The following SLC39A10 variants were observed in gnomAD, a reference collection of about 807,000 sequenced individuals.
SLC39A10 encodes the protein zinc transporter ZIP10.
Under a neutral mutation model 65.1 loss-of-function variants are expected in SLC39A10, and 13 were observed. The ratio of observed to expected loss-of-function variants is 0.20; its 90% CI spans 0.13 to 0.32. The LOEUF is 0.32. SLC39A10 is among the 10% of genes least tolerant of loss of function. The pLI, the probability that SLC39A10 is intolerant of heterozygous loss-of-function variation, is 1.00. For missense variants in SLC39A10, 831 were observed against 1,018.4 expected (o/e 0.82, Z 2.50); for synonymous variants, 321 against 342.2 (o/e 0.94, Z 0.68).
chr2:195,690,344 ATC>A (rs377318068), intron 3 of SLC39A10, among the ~76,000 whole-genome samples: 69 of 149,892 alleles, frequency 4.6e-4, no homozygotes, highest in Non-Finnish European at 4.8e-4. Context: ...GAACATGGGC[ATC>A]TCTCTCTCTC....
intron 3 of SLC39A10, among the ~76,000 whole-genome samples, chr2:195,685,792 T>G (rs991124872): frequency 6.6e-6 from 1 of 152,212 alleles, no homozygotes; most frequent in Non-Finnish European, 1.5e-5. Flanking sequence ...TGTTGGACTT[T>G]AGTTGCTTTA....
At chr2:195,687,811 G>A (rs1056528487) in intron 3 of SLC39A10, among the ~76,000 whole-genome samples, 5 of 152,148 alleles carry the variant, frequency 3.3e-5, no homozygotes, top group African/African-American at 1.2e-4. Context: ...GAAATCGTTT[G>A]TTTCACAAGA....
intron 4 of SLC39A10, among the ~76,000 whole-genome samples, chr2:195,708,081 C>T (rs1280417169): frequency 2.0e-5 from 3 of 152,064 alleles, no homozygotes; most frequent in South Asian, 2.1e-4. Flanking sequence ...GCAGAGATAG[C>T]GACCTTATTA....
intron 1 of SLC39A10, among the ~76,000 whole-genome samples, chr2:195,664,249 A>G (rs1689543015): frequency 6.6e-6 from 1 of 152,088 alleles, no homozygotes. Flanking sequence ...TAGTTAACTG[A>G]TATGTGTGTG....
chr2:195,622,460 C>T (rs987368780), intron 2 of SLC39A10, among the ~76,000 whole-genome samples: 1 of 152,168 alleles, frequency 6.6e-6, no homozygotes, highest in Non-Finnish European at 1.5e-5. Context: ...TCAACATTCC[C>T]GGAAGTGTTT....
Position 195,681,183 on chromosome 2 carries a change from T to C in SLC39A10, c.1008+133T>C, listed in dbSNP as rs982760216. The C allele has an allele frequency of 3.3e-6, 3 of 901,962 alleles. No individual in the cohort carries two copies. In the African/African-American group the frequency reaches 5.1e-5, roughly 15 times the overall value. 55.9% of individuals were successfully genotyped at this position (901,962 alleles called of 1,614,324 possible). A position where few individuals can be genotyped will look rare whatever the true frequency, so the allele number is the denominator to read the frequency against. ...TTTCCATATGTTTACCTATGAAATATCAGGTAATGTTCATGAACAGAATAC... is the reference window on the plus strand; with the variant it reads ...TTTCCATATGTTTACCTATGAAATACCAGGTAATGTTCATGAACAGAATAC... On this transcript the variant is annotated intron_variant, in intron 2 of 9. Coordinates refer to ENST00000359634, the MANE Select transcript of SLC39A10 (RefSeq NM_020342.3).
intron 2 of SLC39A10, among the ~76,000 whole-genome samples, chr2:195,632,014 G>C (rs1358387796): frequency 6.6e-6 from 1 of 151,798 alleles, no homozygotes; most frequent in Non-Finnish European, 1.5e-5. Flanking sequence ...TCAGCCTTCT[G>C]AGTAGCTGGG....
At chr2:195,638,738 G>C (rs1328304241) in intron 2 of SLC39A10, among the ~76,000 whole-genome samples, 4 of 152,086 alleles carry the variant, frequency 2.6e-5, no homozygotes, top group Non-Finnish European at 4.4e-5. Context: ...ACCATTTTCT[G>C]TTCGTGTATT....
intron 2 of SLC39A10, among the ~76,000 whole-genome samples, chr2:195,682,299 T>C (rs192828066): frequency 6.6e-6 from 1 of 152,290 alleles, no homozygotes; most frequent in East Asian, 1.9e-4. Context: ...TCACTGTCGT[T>C]GAGATATGTT....
intron 1 of SLC39A10, among the ~76,000 whole-genome samples, 160 bp from the exon 2 acceptor site, chr2:195,679,872 A>T (rs932013485): frequency 2.0e-5 from 3 of 152,236 alleles, no homozygotes; most frequent in Non-Finnish European, 4.4e-5. Flanking sequence ...CCATTTGTGA[A>T]TAATGACAGT....
rs375720499 is a variant in SLC39A10, at chr2:195,628,223, A to G, written c.-12+21990A>G. Among the ~76,000 whole-genome samples the G allele has an allele frequency of 5.3e-5, 8 of 152,352 alleles. No homozygotes were observed. The South Asian group carries it at 1.7e-3, about 32-fold the overall frequency. ...TTGATGAATTGTCTGTACTTTGAACATATGAAATTCTCCAAAAACATTCAT... is the reference window on the plus strand; with the variant it reads ...TTGATGAATTGTCTGTACTTTGAACGTATGAAATTCTCCAAAAACATTCAT... On this transcript the variant is annotated intron_variant, in intron 2 of 2. Coordinates refer to the SLC39A10 transcript ENST00000458054.
chr2:195,648,542 G>A lies in SLC39A10; in HGVS notation c.-11-31490G>A, dbSNP rs932957132. Among the ~76,000 whole-genome samples the A allele has an allele frequency of 5.3e-5, 8 of 152,244 alleles. 1 individual carries two copies. The highest frequency in any genetic ancestry group is 4.1e-4 in the South Asian group (2 of 4,822). Reference sequence around the variant, plus strand: ...AAAATTCAAAAATTAGCCAGGCATGGTGGTGCATGCCTGTGGTCCCAGCTA... The same window carrying A: ...AAAATTCAAAAATTAGCCAGGCATGATGGTGCATGCCTGTGGTCCCAGCTA... On this transcript the variant is annotated intron_variant, in intron 2 of 2. Transcript: ENST00000458054.
intron 1 of SLC39A10, among the ~76,000 whole-genome samples, chr2:195,676,199 C>A (rs181597149): frequency 2.0e-5 from 3 of 151,890 alleles, no homozygotes; most frequent in Admixed American, 6.6e-5. Context: ...CTGCCGCCAC[C>A]GAGACAGAGT....
At chr2:195,700,558 C>T (rs2105801405) in intron 3 of SLC39A10, among the ~76,000 whole-genome samples, 1 of 152,310 alleles carries the variant, frequency 6.6e-6, no homozygotes, top group South Asian at 2.1e-4. Flanking sequence ...TGTTTAGTGT[C>T]CTTTCCCCTT....
At chr2:195,734,772 T>A in intron 9 of SLC39A10, 111 bp from the exon 10 acceptor site, 2 of 1,003,880 alleles carry the variant, frequency 2.0e-6, no homozygotes, top group Non-Finnish European at 2.9e-6. Context: ...ATAATTATTT[T>A]GTCTGTAGTT....
chr2:195,634,676 G>A (rs1394798103), intron 2 of SLC39A10, among the ~76,000 whole-genome samples: 2 of 152,186 alleles, frequency 1.3e-5, no homozygotes, highest in African/African-American at 4.8e-5. Flanking sequence ...AAAGTCACTT[G>A]ATAAGGAAAA....
chr2:195,733,852 C>T (rs1432205699), intron 9 of SLC39A10, among the ~76,000 whole-genome samples: 6 of 152,092 alleles, frequency 3.9e-5, no homozygotes, highest in Non-Finnish European at 4.4e-5. Context: ...TTTCAAAGCA[C>T]TGTGCCTTCA....
At chr2:195,635,067 A>T (rs1042672638) in intron 2 of SLC39A10, among the ~76,000 whole-genome samples, 2 of 152,068 alleles carry the variant, frequency 1.3e-5, no homozygotes, top group African/African-American at 4.8e-5. Context: ...ACAAAACAAA[A>T]CAAAAAACAA....
At chr2:195,681,466 A>G (rs1023078038) in intron 2 of SLC39A10, among the ~76,000 whole-genome samples, 1 of 152,162 alleles carries the variant, frequency 6.6e-6, no homozygotes. Flanking sequence ...CAGAGGTTGC[A>G]GTGAGCCGAG....
Sources: allele counts gnomAD v4.1 joint callset (sites outside exome capture counted in the v4.1 genomes callset), GRCh38; gene constraint gnomAD v4.1.1; transcripts MANE v1.5; gene names NCBI Gene and HGNC (gene_info 2026-07-23, HGNC 2026-07-21).